Variants in AUTS2 observed in about 807,000 individuals in gnomAD.
AUTS2 encodes the protein activator of transcription and developmental regulator AUTS2, also known as autism susceptibility gene 2 protein.
In AUTS2, 17 loss-of-function variants were observed where a neutral mutation model predicts 112.4. The ratio of observed to expected loss-of-function variants is 0.15; its 90% CI spans 0.10 to 0.23. The LOEUF (loss-of-function observed/expected upper bound fraction) is 0.23, where lower values mean the gene tolerates loss of function less well. AUTS2 is among the 10% of genes least tolerant of loss of function. The probability of loss-of-function intolerance (pLI) is 1.00; values close to 1 mark genes in which losing one functional copy is unlikely to be tolerated. For missense variants in AUTS2, 1,510 were observed against 1,701.6 expected, an observed-to-expected ratio of 0.89 and a Z score of 1.98; for synonymous variants, 751 against 702.7, an observed-to-expected ratio of 1.07 and a Z score of -1.09.
chr7:70,622,734 T>C (rs1249254926), intron 5 of AUTS2, among the ~76,000 whole-genome samples: 1 of 152,246 alleles, frequency 6.6e-6, no homozygotes, highest in African/African-American at 2.4e-5. Flanking sequence ...CTCTTTCAAC[T>C]TAGGGAAAAA....
chr7:70,622,464 A>ACC (rs1271636316), intron 5 of AUTS2, among the ~76,000 whole-genome samples: 1 of 152,020 alleles, frequency 6.6e-6, no homozygotes, highest in Non-Finnish European at 1.5e-5. Context: ...CACCGTTGCT[A>ACC]CCCAGGCCCT....
intron 4 of AUTS2, among the ~76,000 whole-genome samples, chr7:70,238,664 G>GTTT (rs5884776): frequency 4.7e-5 from 7 of 148,332 alleles, no homozygotes; most frequent in East Asian, 2.0e-4. Context: ...TATTATTAGT[G>GTTT]TTTTTTTTTT....
intron 4 of AUTS2, among the ~76,000 whole-genome samples, chr7:70,207,188 G>C (rs1406333016): frequency 6.6e-6 from 1 of 152,094 alleles, no homozygotes; most frequent in Admixed American, 6.5e-5. Context: ...GGGTTACTTT[G>C]GACTTTCTAT....
intron 1 of AUTS2, among the ~76,000 whole-genome samples, chr7:69,873,870 T>A (rs1172015521): frequency 1.3e-5 from 2 of 152,252 alleles, no homozygotes; most frequent in Non-Finnish European, 2.9e-5. Context: ...TATTCATTTG[T>A]GTAATGTTTA....
intron 1 of AUTS2, among the ~76,000 whole-genome samples, chr7:69,629,883 G>C (rs144353779): frequency 6.6e-6 from 1 of 152,162 alleles, no homozygotes; most frequent in Non-Finnish European, 1.5e-5. Flanking sequence ...AAGGGAACAG[G>C]ATTTTTAAAA....
chr7:70,311,156 A>T (rs1327057830), intron 4 of AUTS2, among the ~76,000 whole-genome samples: 1 of 152,202 alleles, frequency 6.6e-6, no homozygotes, highest in Admixed American at 6.5e-5. Flanking sequence ...GATGGGACTT[A>T]CAAAGCCTAT....
intron 5 of AUTS2, among the ~76,000 whole-genome samples, chr7:70,501,286 A>G (rs1460170954): frequency 1.3e-5 from 2 of 152,196 alleles, no homozygotes; most frequent in Non-Finnish European, 2.9e-5. Context: ...GAGAGTAGTT[A>G]GCAGTGTCAC....
At chr7:70,633,056 C>G (rs1165677602) in intron 5 of AUTS2, among the ~76,000 whole-genome samples, 1 of 152,192 alleles carries the variant, frequency 6.6e-6, no homozygotes, top group African/African-American at 2.4e-5. Flanking sequence ...GCTCTGAGAG[C>G]AGCATCCATG....
intron 4 of AUTS2, among the ~76,000 whole-genome samples, chr7:70,338,399 C>T (rs1422864564): frequency 3.3e-5 from 5 of 152,050 alleles, no homozygotes; most frequent in Admixed American, 6.5e-5. Context: ...TAGAAACAGC[C>T]GGTATTACAG....
At chr7:69,970,435 C>T (rs972216853) in intron 2 of AUTS2, among the ~76,000 whole-genome samples, 6 of 152,192 alleles carry the variant, frequency 3.9e-5, no homozygotes, top group Admixed American at 6.5e-5. Context: ...TAGTTAATTT[C>T]TTCTTCCTTA....
At chr7:70,408,710 C>CTCT (rs1562940571) in intron 4 of AUTS2, among the ~76,000 whole-genome samples, 1 of 152,220 alleles carries the variant, frequency 6.6e-6, no homozygotes, top group Non-Finnish European at 1.5e-5. Context: ...TATTCAGGTA[C>CTCT]TCTTACACCT....
At chr7:70,580,199 A>G (rs1350619407) in intron 5 of AUTS2, among the ~76,000 whole-genome samples, 2 of 152,064 alleles carry the variant, frequency 1.3e-5, no homozygotes, top group Admixed American at 6.5e-5. Flanking sequence ...CACTCTTGCA[A>G]CCCTGAAACA....
chr7:70,785,991 C>G lies in AUTS2; in HGVS notation c.2261C>G (p.Ala754Gly). 6.2e-7 allele frequency: 1 copy of G among 1,614,172 alleles called. No homozygotes were observed. Among genetic ancestry groups the G allele is most frequent in the Non-Finnish European group, 8.5e-7 (1 of 1,180,024 alleles). Residue 754 changes from alanine (A) to glycine (G), a missense_variant, in exon 17 of 19, where the codon GCA (alanine) becomes GGA (glycine). By Grantham distance (60) the Ala-to-Gly change is moderately conservative. Around this residue, in one of 3 missense-constraint regions of AUTS2, gnomAD observed 788 missense variants for 797.6 expected, o/e 0.99. Transcript: ENST00000342771. ...FNRPSTFTGLAAVGGNAFGGL... is the reference protein window; with the variant it reads ...FNRPSTFTGLGAVGGNAFGGL... ...CGGCCGTCTACATTCACAGGCCTAG[C>G]AGCAGTTGGTGGCAATGCCTTCGGG...
chr7:69,860,479 C>T (rs1047858191), intron 1 of AUTS2, among the ~76,000 whole-genome samples: 6 of 152,156 alleles, frequency 3.9e-5, no homozygotes, highest in African/African-American at 1.4e-4. Context: ...TCCCAAGATT[C>T]TCCTTGTGCT....
At chr7:70,420,870 T>C (rs1374422597) in intron 4 of AUTS2, among the ~76,000 whole-genome samples, 2 of 152,204 alleles carry the variant, frequency 1.3e-5, no homozygotes, top group Non-Finnish European at 2.9e-5. Context: ...TGTACACATA[T>C]ATGAAAAGCT....
intron 14 of AUTS2, chr7:70,781,402 G>T (rs1791069453): frequency 2.9e-5 from 12 of 410,134 alleles, no homozygotes; most frequent in Non-Finnish European, 4.3e-5. Context: ...AAACACTAGT[G>T]TTGTCACTAG....
intron 6 of AUTS2, among the ~76,000 whole-genome samples, chr7:70,736,937 G>A (rs555356575): frequency 6.6e-6 from 1 of 152,214 alleles, no homozygotes; most frequent in East Asian, 1.9e-4. Flanking sequence ...TAAATCACCG[G>A]CATTCCTGAT....
intron 5 of AUTS2, among the ~76,000 whole-genome samples, chr7:70,468,740 A>G (rs1252717984): frequency 6.6e-6 from 1 of 152,140 alleles, no homozygotes; most frequent in East Asian, 1.9e-4. Context: ...AGCAGGAATC[A>G]AAGAGTCGGG....
intron 4 of AUTS2, among the ~76,000 whole-genome samples, chr7:70,304,783 T>C: frequency 7.2e-6 from 1 of 138,328 alleles, no homozygotes; most frequent in Non-Finnish European, 1.5e-5. Context: ...CATGTGACAC[T>C]CAAATAGTTT....
Sources: gnomAD v4.1 joint callset for allele counts (sites outside exome capture counted in the v4.1 genomes callset) on GRCh38, gnomAD v4.1.1 for gene constraint, gnomAD v4.1.1 regional missense constraint, MANE v1.5 for transcripts, NCBI Gene and HGNC (gene_info 2026-07-23, HGNC 2026-07-21) for gene names.